Variants in UPF1 observed in about 807,000 individuals in gnomAD.
The protein encoded by UPF1 is regulator of nonsense transcripts 1.
A neutral mutation model predicts 129.2 loss-of-function variants in UPF1; 9 were observed. The ratio of observed to expected loss-of-function variants is 0.07; its 90% CI spans 0.04 to 0.12. UPF1 has a LOEUF of 0.12. Ranked by LOEUF, UPF1 falls within the 10% of genes least tolerant of loss-of-function variation. The pLI is 1.00. For synonymous variants in UPF1, 649 were observed against 644.9 expected (o/e 1.01, Z -0.10); for missense variants, 788 against 1,525.3 (o/e 0.52, Z 8.05).
rs752768767 is a variant in UPF1, at chr19:18,865,267, C to T, written c.2858-22C>T. 1.1e-5 allele frequency: 18 copies of T among 1,589,702 alleles called. No individual in the cohort carries two copies. The highest frequency in any genetic ancestry group is 8.5e-5 in the Admixed American group (5 of 59,152). ...TTTGACCGAGGCAGGTGACACCTGC[C>T]GTGTTCCACTGTGATTTGCAGGCCG... On this transcript the variant is annotated intron_variant, in intron 20 of 23. Coordinates refer to ENST00000262803, the MANE Select transcript of UPF1 (RefSeq NM_002911.4). This position sits in a 1 kb window ranked among gnomAD's most constrained non-coding sequence, Gnocchi z 6.1.
At chr19:18,856,852 C>T (rs1321672083) in intron 13 of UPF1, 25 bp from the exon 14 acceptor site, 1 of 1,600,374 alleles carries the variant, frequency 6.2e-7, no homozygotes, top group East Asian at 2.2e-5. Context: ...TGCAGGTGCC[C>T]TGATGCCTCT....
At chr19:18,866,380 G>C in intron 23 of UPF1, 141 bp from the exon 24 acceptor site, 2 of 612,448 alleles carry the variant, frequency 3.3e-6, no homozygotes, top group Non-Finnish European at 5.2e-6. Flanking sequence ...TGTCTGCTCC[G>C]GGGACCACCG....
Position 18,855,919 on chromosome 19 carries a change from T to G in UPF1, c.1545-6T>G, listed in dbSNP as rs1352804902. ...TAAGCACTGAGCTGCCCCAATGGTG[T>G]TGCAGGCCGGTGCTGGTGTGTGCTC... On this transcript the variant is annotated splice_region_variant and splice_polypyrimidine_tract_variant and intron_variant, in intron 11 of 23. Transcript: ENST00000262803. 1 of 1,613,502 alleles carries G rather than the reference T, an allele frequency of 6.2e-7. No individual in the cohort carries two copies. The highest frequency in any genetic ancestry group is 8.5e-7 in the Non-Finnish European group (1 of 1,179,910).
intron 18 of UPF1, 54 bp downstream of exon 18, chr19:18,862,206 C>G: frequency 6.3e-7 from 1 of 1,596,118 alleles, no homozygotes; most frequent in Non-Finnish European, 8.5e-7. Flanking sequence ...CCTCACTTCC[C>G]AGGGAATTTG....
intron 23 of UPF1, 24 bp downstream of exon 23, chr19:18,866,190 G>C: frequency 6.4e-7 from 1 of 1,555,434 alleles, no homozygotes; most frequent in Non-Finnish European, 8.7e-7. Flanking sequence ...GAGCAGGCCT[G>C]GCCCCACCCC....
chr19:18,856,214 C>T lies in UPF1; in HGVS notation c.1738C>T (p.Leu580=), dbSNP rs2145959639. The T allele has an allele frequency of 1.2e-6, 2 of 1,610,668 alleles. No individual in the cohort carries two copies. Among genetic ancestry groups the T allele is most frequent in the Non-Finnish European group, 8.5e-7 (1 of 1,177,372 alleles). ...GCCTGAGCTGCAGAAGCTGCAGCAGCTGAAAGACGAGACTGGGGAGCTGTC... is the reference window on the plus strand; with the variant it reads ...GCCTGAGCTGCAGAAGCTGCAGCAGTTGAAAGACGAGACTGGGGAGCTGTC... ...SMPELQKLQQ[L]KDETGELSSA... The change falls in exon 13 of 24, where the codon CTG becomes TTG. Residue 580 remains leucine, a synonymous_variant. Transcript: ENST00000262803.
rs2055805248 is a variant in UPF1 at position 18,863,552 on chromosome 19, C to T, written c.2715C>T (p.Asn905=). 7 of 1,613,812 alleles carry T rather than the reference C, an allele frequency of 4.3e-6. No individual in the cohort carries two copies. Among genetic ancestry groups the T allele is most frequent in the South Asian group, 2.2e-5 (2 of 91,078 alleles). Residue 905 remains asparagine (N), a synonymous_variant, in exon 19 of 24, where the codon AAC becomes AAT. Transcript: ENST00000262803. ...QKVLVEGPLN[N]LRESLMQFSK... ...TGCTGGTGGAGGGGCCGCTCAACAA[C>T]CTGCGTGAGAGCCTCATGCAGTTCA...
chr19:18,844,609 TG>T (rs2055579080), intron 1 of UPF1, among the ~76,000 whole-genome samples: 1 of 152,030 alleles, frequency 6.6e-6, no homozygotes, highest in Non-Finnish European at 1.5e-5. Flanking sequence ...GGTGAATGCC[TG>T]GGATGGGTAC....
intron 23 of UPF1, 138 bp downstream of exon 23, chr19:18,866,304 G>C: frequency 7.5e-7 from 1 of 1,332,474 alleles, no homozygotes; most frequent in East Asian, 2.6e-5. Context: ...TAGGCCCTCA[G>C]GGCCAGCTTG....
rs2055653992 is a variant in UPF1 at position 18,851,101 on chromosome 19, GC to G, written c.810+234del. 1 of 442,062 alleles carries G rather than the reference GC, an allele frequency of 2.3e-6. No homozygotes were observed. Among genetic ancestry groups the G allele is most frequent in the Non-Finnish European group, 3.9e-6 (1 of 255,994 alleles). 27.4% of individuals were successfully genotyped at this position (442,062 alleles called of 1,614,324 possible). On this transcript the variant is annotated intron_variant, in intron 5 of 23. Coordinates refer to ENST00000262803, the MANE Select transcript of UPF1 (RefSeq NM_002911.4). This position sits in a 1 kb window ranked among gnomAD's most constrained non-coding sequence, Gnocchi z 4.2. ...TGGCCTTGGGGAAAGGAAAGCTCTGGCTGCTGGAATTTTTCTTGTCTTGCCG... is the reference window on the plus strand; with the variant it reads ...TGGCCTTGGGGAAAGGAAAGCTCTGGTGCTGGAATTTTTCTTGTCTTGCCG...
chr19:18,839,591 G>A (rs2055519922), intron 1 of UPF1, among the ~76,000 whole-genome samples: 2 of 152,150 alleles, frequency 1.3e-5, no homozygotes, highest in African/African-American at 4.8e-5. Flanking sequence ...CCCTGCCCTG[G>A]GGAGGTCAGA....
rs190677056 is a variant in UPF1 at position 18,837,933 on chromosome 19, A to G, written c.231+5493A>G. Among the ~76,000 whole-genome samples, 570 of 151,596 alleles carry G rather than the reference A, an allele frequency of 3.8e-3. 3 individuals are homozygous for G. The highest frequency in any genetic ancestry group is 5.4e-3 in the Non-Finnish European group (367 of 67,844). ...CTAGCCGACCTGTCGTCCAGCCCTC[A>G]CTCTCCTCCTGCCAGACTTCTCTGT... On this transcript the variant is annotated intron_variant, in intron 1 of 23. Transcript: ENST00000262803.
At chr19:18,838,980 TA>T (rs1026650311) in intron 1 of UPF1, among the ~76,000 whole-genome samples, 7 of 151,994 alleles carry the variant, frequency 4.6e-5, no homozygotes, top group Non-Finnish European at 1.0e-4. Flanking sequence ...CAGGACTAAC[TA>T]AAAAAAGAGT....
chr19:18,850,733 C>T lies in UPF1; in HGVS notation c.675C>T (p.Asp225=). The T allele has an allele frequency of 6.2e-7, 1 of 1,611,046 alleles. No homozygotes were observed. The highest frequency in any genetic ancestry group is 8.5e-7 in the Non-Finnish European group (1 of 1,179,174). Residue 225 remains aspartate, a synonymous_variant, in exon 5 of 24, where the codon GAC becomes GAT. Transcript: ENST00000262803. The surrounding 1 kb of genome is among the most constrained non-coding windows in gnomAD (Gnocchi z 7.1). ...GCAGCCTCAAGGACATCAACTGGGACAGCTCGCAGTGGCAGCCGCTGATCC... is the reference window on the plus strand; with the variant it reads ...GCAGCCTCAAGGACATCAACTGGGATAGCTCGCAGTGGCAGCCGCTGATCC... ...SQSSLKDINW[D]SSQWQPLIQD...
At chr19:18,861,074 C>T (rs952890954) in intron 17 of UPF1, 92 bp downstream of exon 17, 3 of 1,448,724 alleles carry the variant, frequency 2.1e-6, no homozygotes, top group East Asian at 2.5e-5. Context: ...GGGGCCCGTC[C>T]TGGCTGGAGC....
rs1355913855 is a variant in UPF1, at chr19:18,832,601, C to T, written c.231+161C>T. 2.6e-5 allele frequency among the ~76,000 whole-genome samples: 4 copies of T among 152,224 alleles called. No homozygotes were observed. Among genetic ancestry groups the T allele is most frequent in the African/African-American group, 7.2e-5 (3 of 41,550 alleles). ...GTCCCCTACTCTGGCTCGGCCTGAG[C>T]TTACCTGCCCCAGGTCCTGCAATCT... is the stretch of plus-strand genomic sequence containing the variant. On this transcript the variant is annotated intron_variant, in intron 1 of 23. Transcript: ENST00000262803. The surrounding 1 kb of genome is among the most constrained non-coding windows in gnomAD (Gnocchi z 5.6).
In UPF1 at chr19:18,865,972, G is replaced by A. The variant is rs2055839186; in HGVS notation, c.3238-72G>A. 8.1e-6 allele frequency: 13 copies of A among 1,601,156 alleles called. No homozygotes were observed. The highest frequency in any genetic ancestry group is 1.0e-5 in the Non-Finnish European group (12 of 1,176,814). On this transcript the variant is annotated intron_variant, in intron 22 of 23. Coordinates refer to ENST00000262803, the MANE Select transcript of UPF1 (RefSeq NM_002911.4). This position sits in a 1 kb window ranked among gnomAD's most constrained non-coding sequence, Gnocchi z 6.1. ...ACGGGTTTTCCATTCTTTTCTCTGGGGCTGCTGAGGGCTGGGTGGATGTGA... is the reference window on the plus strand; with the variant it reads ...ACGGGTTTTCCATTCTTTTCTCTGGAGCTGCTGAGGGCTGGGTGGATGTGA...
In UPF1 at chr19:18,865,859, A is replaced by G. The variant is rs192755272; in HGVS notation, c.3237+81A>G. ...AAACATTCCCTCTGAAGAGCCCCAG[A>G]GAGCTGGCCTGGCCCATGTCCACTG... On this transcript the variant is annotated intron_variant, in intron 22 of 23. Coordinates refer to ENST00000262803, the MANE Select transcript of UPF1 (RefSeq NM_002911.4). This position sits in a 1 kb window ranked among gnomAD's most constrained non-coding sequence, Gnocchi z 6.1. The G allele has an allele frequency of 2.2e-5, 35 of 1,591,622 alleles. No homozygotes were observed. The African/African-American group carries it at 3.5e-4, about 16-fold the overall frequency.
chr19:18,849,925 C>G, intron 3 of UPF1, 150 bp from the exon 4 acceptor site: 2 of 944,338 alleles, frequency 2.1e-6, no homozygotes, highest in Non-Finnish European at 3.1e-6. Flanking sequence ...TGGGGGAGGG[C>G]TGGCCCCCAG....
Sources: allele counts gnomAD v4.1 joint callset (sites outside exome capture counted in the v4.1 genomes callset), GRCh38; gene constraint gnomAD v4.1.1; non-coding constraint Gnocchi (gnomAD v3.1); transcripts MANE v1.5; gene names NCBI Gene and HGNC (gene_info 2026-07-23, HGNC 2026-07-21).